Variants in MACROD2 observed in about 807,000 individuals in gnomAD.
The protein encoded by MACROD2 is mono-ADP ribosylhydrolase 2, also known as ADP-ribose glycohydrolase MACROD2.
A neutral mutation model predicts 70.4 loss-of-function variants in MACROD2; 36 were observed. The ratio of observed to expected loss-of-function variants is 0.51; its 90% CI spans 0.39 to 0.68. The LOEUF (loss-of-function observed/expected upper bound fraction) is 0.68. MACROD2 is among the 30% of genes least tolerant of loss of function. MACROD2 has a pLI of 0.00. For missense variants in MACROD2, 496 were observed against 538.4 expected, an observed-to-expected ratio of 0.92 and a Z score of 0.78; for synonymous variants, 172 against 178.8, an observed-to-expected ratio of 0.96 and a Z score of 0.30.
intron 2 of MACROD2, among the ~76,000 whole-genome samples, chr20:14,044,404 A>G (rs569671755): frequency 5.9e-5 from 9 of 152,254 alleles, no homozygotes; most frequent in Admixed American, 2.0e-4. Context: ...AAGCTTCCAC[A>G]GTGTGGAAGG....
At chr20:15,133,614 A>T (rs2076122906) in intron 5 of MACROD2, among the ~76,000 whole-genome samples, 1 of 152,140 alleles carries the variant, frequency 6.6e-6, no homozygotes, top group Non-Finnish European at 1.5e-5. Flanking sequence ...TATTTATCAG[A>T]AATTTTGGTC....
intron 4 of MACROD2, among the ~76,000 whole-genome samples, chr20:14,519,985 T>G (rs2085147066): frequency 6.6e-6 from 1 of 152,012 alleles, no homozygotes; most frequent in African/African-American, 2.4e-5. Context: ...ATACCACATG[T>G]TTTCACCTAT....
intron 15 of MACROD2, among the ~76,000 whole-genome samples, chr20:16,011,149 A>G (rs2066857747): frequency 6.6e-6 from 1 of 152,212 alleles, no homozygotes; most frequent in Non-Finnish European, 1.5e-5. Flanking sequence ...CTGAAGAAGC[A>G]TGTTCTAATC....
chr20:14,234,678 A>G (rs917221004), intron 3 of MACROD2, among the ~76,000 whole-genome samples: 38 of 152,216 alleles, frequency 2.5e-4, no homozygotes, highest in East Asian at 1.2e-3. Context: ...TCTTTTGCCA[A>G]TAGCCCACCT....
intron 6 of MACROD2, among the ~76,000 whole-genome samples, chr20:15,236,773 G>T (rs1475017980): frequency 1.3e-5 from 2 of 152,196 alleles, no homozygotes; most frequent in Non-Finnish European, 2.9e-5. Context: ...CCATCTGTAG[G>T]TTGGACCTGT....
At chr20:15,657,675 T>C (rs1258160195) in intron 8 of MACROD2, among the ~76,000 whole-genome samples, 1 of 152,206 alleles carries the variant, frequency 6.6e-6, no homozygotes, top group Non-Finnish European at 1.5e-5. Flanking sequence ...AGTCTCAAAC[T>C]CAGGCTCTAT....
chr20:15,949,277 C>T (rs1250573341), intron 12 of MACROD2, among the ~76,000 whole-genome samples: 1 of 152,118 alleles, frequency 6.6e-6, no homozygotes, highest in Non-Finnish European at 1.5e-5. Context: ...GAGTTGGCAG[C>T]ATTATTGTTT....
intron 5 of MACROD2, among the ~76,000 whole-genome samples, chr20:15,152,731 C>T (rs199290): frequency 0.59 from 89,186 of 151,642 alleles, 26,471 homozygotes; most frequent in East Asian, 0.65. Context: ...GGCGTCCCTG[C>T]GTGGACTGAC....
At chr20:14,507,258 T>G (rs780064656) in intron 4 of MACROD2, among the ~76,000 whole-genome samples, 3 of 152,108 alleles carry the variant, frequency 2.0e-5, no homozygotes, top group Non-Finnish European at 4.4e-5. Context: ...CTCTTTCCTC[T>G]CTTTCTGGGG....
chr20:15,670,512 C>T (rs558610781), intron 8 of MACROD2, among the ~76,000 whole-genome samples: 25 of 152,240 alleles, frequency 1.6e-4, no homozygotes, highest in African/African-American at 6.0e-4. Context: ...CTTTTCTAGG[C>T]AAAAACCTCC....
intron 3 of MACROD2, among the ~76,000 whole-genome samples, chr20:14,436,163 G>T (rs1054802274): frequency 6.6e-6 from 1 of 151,890 alleles, no homozygotes; most frequent in African/African-American, 2.4e-5. Context: ...AAAAAAAAGT[G>T]CCAAAAGTCT....
intron 3 of MACROD2, among the ~76,000 whole-genome samples, chr20:14,121,848 A>C (rs1432015897): frequency 6.6e-6 from 1 of 152,212 alleles, no homozygotes; most frequent in African/African-American, 2.4e-5. Context: ...TATTGGTATG[A>C]AAACATCTTG....
intron 3 of MACROD2, among the ~76,000 whole-genome samples, chr20:14,144,743 TTTTG>T (rs1251817315): frequency 3.9e-5 from 6 of 152,210 alleles, no homozygotes; most frequent in Non-Finnish European, 8.8e-5. Flanking sequence ...GCCTGCATTT[TTTTG>T]TTTGTGAGGA....
chr20:14,199,180 G>A (rs1191224880), intron 3 of MACROD2, among the ~76,000 whole-genome samples: 3 of 152,146 alleles, frequency 2.0e-5, no homozygotes, highest in African/African-American at 7.2e-5. Context: ...TACATAAAAT[G>A]ATGGTTCTCT....
rs566114939 is a variant in MACROD2, at chr20:15,480,765, G to A, written c.572-19009G>A. On this transcript the variant is annotated intron_variant, in intron 7 of 17. Transcript: ENST00000684519. ...TGCCACTCCCTTTTTTCCCCACCTG[G>A]CTATCCTTCCCACCCCTGCGTTGAT... is the stretch of plus-strand genomic sequence containing the variant. Among the ~76,000 whole-genome samples, 3 of 152,036 alleles carry A rather than the reference G, an allele frequency of 2.0e-5. No homozygotes were observed. The South Asian group carries it at 6.3e-4, about 32-fold the overall frequency.
chr20:14,989,818 T>A (rs2074884729), intron 5 of MACROD2, among the ~76,000 whole-genome samples: 1 of 152,152 alleles, frequency 6.6e-6, no homozygotes, highest in African/African-American at 2.4e-5. Flanking sequence ...TTTTTCAGGA[T>A]CTTATCTACC....
At chr20:14,560,537 G>A (rs1182627324) in intron 4 of MACROD2, among the ~76,000 whole-genome samples, 1 of 151,824 alleles carries the variant, frequency 6.6e-6, no homozygotes, top group African/African-American at 2.4e-5. Context: ...ATTTTAAAAT[G>A]TCACAACTCA....
intron 3 of MACROD2, among the ~76,000 whole-genome samples, chr20:14,306,638 A>C (rs932602113): frequency 1.3e-5 from 2 of 152,140 alleles, no homozygotes; most frequent in Non-Finnish European, 2.9e-5. Context: ...CTCATTCTCA[A>C]ACAAGGATAA....
At chr20:14,515,464 C>CACACACACACGCGT (rs1555798334) in intron 4 of MACROD2, among the ~76,000 whole-genome samples, 5 of 27,238 alleles carry the variant, frequency 1.8e-4, no homozygotes, top group African/African-American at 7.0e-4. Flanking sequence ...TACACACACA[C>CACACACACACGCGT]GCACACACAC....
Sources: allele counts gnomAD v4.1 joint callset (sites outside exome capture counted in the v4.1 genomes callset), GRCh38; gene constraint gnomAD v4.1.1; transcripts MANE v1.5; gene names NCBI Gene and HGNC (gene_info 2026-07-23, HGNC 2026-07-21).